STAU2: variants seen among roughly 807,000 people sequenced by gnomAD.
STAU2 encodes double-stranded RNA-binding protein Staufen homolog 2.
In STAU2, 20 loss-of-function variants were observed where a neutral mutation model predicts 65.9. The ratio of observed to expected loss-of-function variants is 0.30; its 90% CI spans 0.21 to 0.44. The LOEUF (loss-of-function observed/expected upper bound fraction) is 0.44. Among genes scored for constraint, STAU2 ranks in the 20% least tolerant of loss-of-function variants. STAU2 has a pLI of 1.00. For synonymous variants in STAU2, 232 were observed against 233.9 expected, an observed-to-expected ratio of 0.99 and a Z score of 0.07; for missense variants, 558 against 683.9, an observed-to-expected ratio of 0.82 and a Z score of 2.05.
intron 2 of STAU2, among the ~76,000 whole-genome samples, chr8:73,739,516 A>G (rs1369941030): frequency 6.6e-6 from 1 of 152,218 alleles, no homozygotes; most frequent in Non-Finnish European, 1.5e-5. Context: ...GTACACACAT[A>G]CATACACAAA....
intron 6 of STAU2, among the ~76,000 whole-genome samples, chr8:73,655,384 A>T (rs1816275025): frequency 6.6e-6 from 1 of 152,164 alleles, no homozygotes; most frequent in Non-Finnish European, 1.5e-5. Flanking sequence ...GTTAAATACA[A>T]CAGAAATTTT....
At chr8:73,579,153 A>T (rs1809805089) in intron 12 of STAU2, among the ~76,000 whole-genome samples, 1 of 152,216 alleles carries the variant, frequency 6.6e-6, no homozygotes, top group Admixed American at 6.5e-5. Flanking sequence ...AAAAGTGACA[A>T]AAATATTGGT....
chr8:73,451,327 A>C (rs540305232), intron 13 of STAU2, among the ~76,000 whole-genome samples: 2 of 152,290 alleles, frequency 1.3e-5, no homozygotes, highest in East Asian at 3.9e-4. Context: ...TCCAGATGTG[A>C]AAAGCTGAAG....
At chr8:73,424,506 T>G (rs1186365934) in intron 13 of STAU2, among the ~76,000 whole-genome samples, 1 of 152,120 alleles carries the variant, frequency 6.6e-6, no homozygotes, top group African/African-American at 2.4e-5. Context: ...CGGCCCCTCT[T>G]TTTGTGAACG....
chr8:73,622,557 C>T (rs77771054), intron 6 of STAU2, among the ~76,000 whole-genome samples: 1 of 152,198 alleles, frequency 6.6e-6, no homozygotes, highest in Admixed American at 6.5e-5. Context: ...GTCTGCCTAA[C>T]TGCAGAGTCC....
At chr8:73,577,714 G>A (rs1809683186) in intron 12 of STAU2, among the ~76,000 whole-genome samples, 1 of 152,102 alleles carries the variant, frequency 6.6e-6, no homozygotes, top group Admixed American at 6.5e-5. Context: ...GCATGTGACA[G>A]TCTGTTTCCC....
intron 13 of STAU2, among the ~76,000 whole-genome samples, chr8:73,544,098 TCTA>T (rs1273961494): frequency 6.6e-6 from 1 of 152,172 alleles, no homozygotes; most frequent in Non-Finnish European, 1.5e-5. Context: ...TAAAATGGTC[TCTA>T]CTTACTTTTC....
intron 6 of STAU2, among the ~76,000 whole-genome samples, chr8:73,660,330 T>G (rs941243902): frequency 6.6e-6 from 1 of 152,142 alleles, no homozygotes. Flanking sequence ...CTCAGGAGGC[T>G]GAGGCAGGAG....
chr8:73,627,233 A>AGGGGGGGGG (rs1563467228), intron 6 of STAU2, among the ~76,000 whole-genome samples: 8 of 5,088 alleles, frequency 1.6e-3, no homozygotes, highest in Non-Finnish European at 2.2e-3. Flanking sequence ...AGGGGGGGGC[A>AGGGGGGGGG]GGAGGGCGGG....
chr8:73,613,318 A>G (rs1812606211), intron 9 of STAU2, among the ~76,000 whole-genome samples: 1 of 152,224 alleles, frequency 6.6e-6, no homozygotes, highest in African/African-American at 2.4e-5. Context: ...GTGTGCAGAA[A>G]GAACACTGGA....
At chr8:73,638,208 T>C (rs34389799) in intron 6 of STAU2, among the ~76,000 whole-genome samples, 28,997 of 151,654 alleles carry the variant, frequency 0.19, 3,004 homozygotes, top group East Asian at 0.37. Flanking sequence ...TATTTTATAC[T>C]GTATAAAATA....
chr8:73,627,208 CGGGGGGGGG>C (rs965072522), intron 6 of STAU2, among the ~76,000 whole-genome samples: 1 of 2,280 alleles, frequency 4.4e-4, no homozygotes, highest in East Asian at 7.9e-3. Context: ...AGGAATACGG[CGGGGGGGGG>C]GGGGGAGGGG....
intron 5 of STAU2, among the ~76,000 whole-genome samples, chr8:73,684,836 C>T (rs1026148215): frequency 1.1e-4 from 17 of 152,078 alleles, no homozygotes; most frequent in African/African-American, 4.1e-4. Context: ...AAATGGCCAA[C>T]AAACATGAAA....
At chr8:73,721,345 G>A (rs564646928) in intron 3 of STAU2, among the ~76,000 whole-genome samples, 48 of 136,042 alleles carry the variant, frequency 3.5e-4, no homozygotes, top group South Asian at 7.3e-4. Flanking sequence ...ACAGTTTATC[G>A]TTGCAAATGT....
intron 13 of STAU2, among the ~76,000 whole-genome samples, chr8:73,446,217 G>A (rs754632951): frequency 1.3e-5 from 2 of 152,170 alleles, no homozygotes; most frequent in South Asian, 2.1e-4. Context: ...TTCCATTTAT[G>A]TAACATTTTT....
At chr8:73,565,665 C>T (rs1434244801) in intron 12 of STAU2, among the ~76,000 whole-genome samples, 2 of 152,178 alleles carry the variant, frequency 1.3e-5, no homozygotes, top group Non-Finnish European at 2.9e-5. Flanking sequence ...ACCATGACTG[C>T]TATCACTCAC....
chr8:73,727,333 T>C (rs1805714765), intron 3 of STAU2, among the ~76,000 whole-genome samples: 1 of 152,224 alleles, frequency 6.6e-6, no homozygotes, highest in South Asian at 2.1e-4. Context: ...AACACTGTTA[T>C]GACCCCAAAA....
chr8:73,429,310 A>C (rs1281339492), intron 13 of STAU2, among the ~76,000 whole-genome samples: 2 of 150,048 alleles, frequency 1.3e-5, no homozygotes, highest in Admixed American at 1.3e-4. Context: ...GTTCCTACCC[A>C]TAAGGAAACA....
At chr8:73,705,546 C>A (rs556985594) in intron 4 of STAU2, among the ~76,000 whole-genome samples, 1 of 152,134 alleles carries the variant, frequency 6.6e-6, no homozygotes, top group African/African-American at 2.4e-5. Context: ...ATTAAAACAG[C>A]CTTCTTTCGA....
Sources: gnomAD v4.1 joint callset for allele counts (sites outside exome capture counted in the v4.1 genomes callset) on GRCh38, gnomAD v4.1.1 for gene constraint, MANE v1.5 for transcripts, NCBI Gene and HGNC (gene_info 2026-07-23, HGNC 2026-07-21) for gene names.